Variants in MAGED2 observed in about 807,000 individuals in gnomAD.
The protein encoded by MAGED2 is melanoma-associated antigen D2.
MAGED2 carries 6 observed loss-of-function variants against 41.7 expected under a neutral mutation model. That is an observed-to-expected ratio of 0.14 (90% CI 0.08 to 0.28). MAGED2 has a LOEUF of 0.28. MAGED2 is among the 10% of genes least tolerant of loss of function. The probability of loss-of-function intolerance (pLI) is 1.00; values close to 1 mark genes in which losing one functional copy is unlikely to be tolerated. For missense variants in MAGED2, 343 were observed against 486.4 expected (o/e 0.71, Z 2.77); for synonymous variants, 146 against 178.2 (o/e 0.82, Z 1.44).
Position 54,812,251 on chromosome X carries a change from C to T in MAGED2, c.1085C>T (p.Thr362Met), listed in dbSNP as rs1272429541. The T allele has an allele frequency of 6.0e-6, 7 of 1,167,218 alleles. No individual in the cohort carries two copies. The highest frequency in any genetic ancestry group is 3.0e-5 in the East Asian group (1 of 33,093). ...CCCACTGATGCAGGCATACTGGGAA[C>T]GTAAGCTGGGAAAGGGCTGAGGTGT... ...LEPTDAGILGTTKDSPKLGLL... is the reference protein window; with the variant it reads ...LEPTDAGILGMTKDSPKLGLL... The change falls in exon 7 of 13, where the codon ACG (threonine) becomes ATG (methionine). Residue 362 changes from threonine to methionine, a missense_variant and splice_region_variant. By Grantham distance (81) the Thr-to-Met change is moderately conservative (BLOSUM62 -1). Around this residue, in one of 3 missense-constraint regions of MAGED2, gnomAD observed 95 missense variants for 204.8 expected, o/e 0.46. Coordinates refer to ENST00000375068, the MANE Select transcript of MAGED2 (RefSeq NM_177433.3).
In MAGED2 at chrX:54,815,950, C is replaced by CCTG; in HGVS notation, c.*78_*79insCTG. The CCTG allele has an allele frequency of 3.1e-6, 1 of 317,864 alleles. No homozygotes were observed. Among genetic ancestry groups the CCTG allele is most frequent in the Non-Finnish European group, 5.4e-6 (1 of 183,591 alleles). The allele number at this position is 317,864 out of a possible 1,213,427, so 26.2% of individuals were successfully genotyped here. On this transcript the variant is annotated 3_prime_UTR_variant, in exon 13 of 13. Coordinates refer to ENST00000375068, the MANE Select transcript of MAGED2 (RefSeq NM_177433.3). ...CCTCAGAAACCTACTCAACACAGCA[C>CCTG]TCTAGGCAGCCACTATCAATCAATT... is the stretch of plus-strand genomic sequence containing the variant.
Position 54,810,981 on chromosome X carries a change from G to A in MAGED2, c.698G>A (p.Arg233Gln), listed in dbSNP as rs1471441361. Residue 233 changes from arginine (R) to glutamine (Q), a missense_variant, in exon 4 of 13, where the codon CGG becomes CAG. Transcript: ENST00000375068. ...TGGGCCCGCAGGGCATCAAGGACTC[G>A]GTTGGCTGCTTGGGCCCGGAGAGCC... ...AFWARRASRT[R>Q]LAAWARRALL... 1 of 1,203,132 alleles carries A rather than the reference G, an allele frequency of 8.3e-7. No individual in the cohort carries two copies. Among genetic ancestry groups the A allele is most frequent in the South Asian group, 1.8e-5 (1 of 55,779 alleles).
Position 54,811,644 on chromosome X carries a change from C to T in MAGED2, c.981C>T (p.Ser327=), listed in dbSNP as rs2071932. The change falls in exon 6 of 13, where the codon TCC becomes TCT. Residue 327 remains serine (S), a synonymous_variant. Transcript: ENST00000375068. ...YPEIIERAGY[S]LEKVFGIQLK... is the part of the protein sequence containing the mutation. ...AAATCATTGAACGAGCAGGCTATTC[C>T]TTGGAGAAGGTGAAGGGGCAGCCCT... 0.36 allele frequency: 428,844 copies of T among 1,202,258 alleles called. 53,064 individuals are homozygous for T. The highest frequency in any genetic ancestry group is 0.63 in the East Asian group (21,294 of 33,625).
intron 7 of MAGED2, 42 bp downstream of exon 7, chrX:54,812,293 G>T: frequency 1.2e-6 from 1 of 852,302 alleles, no homozygotes; most frequent in South Asian, 2.4e-5. Context: ...CTTCTGCTTT[G>T]GCCATGTGCT....
Position 54,815,515 on chromosome X carries a change from A to G in MAGED2, c.1654A>G (p.Ser552Gly). 2 of 1,189,501 alleles carry G rather than the reference A, an allele frequency of 1.7e-6. No individual in the cohort carries two copies. The highest frequency in any genetic ancestry group is 2.3e-6 in the Non-Finnish European group (2 of 881,639). Residue 552 changes from serine to glycine, a missense_variant, in exon 12 of 13, where the codon AGT (serine) becomes GGT (glycine). Ser to Gly is a moderately conservative substitution (Grantham distance 56). This residue lies in a region of MAGED2 where 53 missense variants were observed against 60.4 expected (regional missense o/e 0.88). Transcript: ENST00000375068. Reference protein sequence around the residue: ...QESGSASTGASTSTNNSASAS... With the variant: ...QESGSASTGAGTSTNNSASAS... ...GAGTGGCAGTGCCAGCACTGGTGCC[A>G]GTACCAGTACCAATAACAGTGCCAG...
intron 5 of MAGED2, 47 bp from the exon 6 acceptor site, chrX:54,811,527 A>G: frequency 3.7e-6 from 4 of 1,083,880 alleles, no homozygotes; most frequent in Non-Finnish European, 5.1e-6. Flanking sequence ...CATCAGGGCC[A>G]CCTGGCATCT....
chrX:54,813,963 A>G (rs749718207), intron 10 of MAGED2, among the ~76,000 whole-genome samples: 13 of 112,816 alleles, frequency 1.2e-4, no homozygotes, highest in Admixed American at 3.7e-4. Context: ...TAAAGAAATG[A>G]CATAGAATGG....
rs1374784246 is a variant in MAGED2 at position 54,810,013 on chromosome X, C to G, written c.337C>G (p.Pro113Ala). The G allele has an allele frequency of 1.7e-6, 2 of 1,206,469 alleles. No homozygotes were observed. Among genetic ancestry groups the G allele is most frequent in the Admixed American group, 4.4e-5 (2 of 45,533 alleles). The change falls in exon 3 of 13, where the codon CCG becomes GCG. Residue 113 changes from proline (P) to alanine (A), a missense_variant. By Grantham distance (27) the Pro-to-Ala change is conservative. Transcript: ENST00000375068. ...AADTKKQNAD[P>A]QAVTMPATET... ...TGACACCAAGAAACAGAATGCTGAC[C>G]CGCAGGCTGTGACAATGCCTGCCAC...
intron 11 of MAGED2, 126 bp from the exon 12 acceptor site, chrX:54,815,122 T>A (rs190860315): frequency 1.2e-6 from 1 of 815,587 alleles, no homozygotes; most frequent in Admixed American, 3.2e-5. Context: ...TGTAGCATAG[T>A]GCCTAGCATA....
At chrX:54,812,366 A>G in intron 7 of MAGED2, 115 bp downstream of exon 7, 3 of 454,572 alleles carry the variant, frequency 6.6e-6, no homozygotes, top group Non-Finnish European at 1.1e-5. Context: ...CAGGGTCTCA[A>G]AAGCCCCGTC....
intron 6 of MAGED2, 143 bp downstream of exon 6, chrX:54,811,796 G>A (rs1166221959): frequency 2.1e-6 from 1 of 480,079 alleles, no homozygotes; most frequent in African/African-American, 2.4e-5. Context: ...CCTAGGGAGG[G>A]GTGTAGATTA....
rs746132056 is a variant in MAGED2, at chrX:54,815,400, C to T, written c.1539C>T (p.Ala513=). 27 of 1,208,488 alleles carry T rather than the reference C, an allele frequency of 2.2e-5. No homozygotes were observed. The South Asian group carries it at 3.2e-4, about 14-fold the overall frequency. Residue 513 remains alanine (A), a synonymous_variant, in exon 12 of 13, where the codon GCC becomes GCT. Transcript: ENST00000375068. ...MGIGLGSENA[A]GPCNWDEADI... is the part of the protein sequence containing the mutation. ...TTGGGCTCGGCTCGGAGAATGCTGC[C>T]GGGCCCTGCAACTGGGACGAAGCTG...
chrX:54,809,487 T>C, intron 2 of MAGED2, 111 bp downstream of exon 2: 1 of 926,537 alleles, frequency 1.1e-6, no homozygotes, highest in South Asian at 2.0e-5. Flanking sequence ...CCACCTACTT[T>C]CCTGCCTGGG....
In MAGED2 at chrX:54,809,756, T is replaced by C. The variant is rs769357290; in HGVS notation, c.80T>C (p.Met27Thr). 1 of 1,206,735 alleles carries C rather than the reference T, an allele frequency of 8.3e-7. No individual in the cohort carries two copies. The highest frequency in any genetic ancestry group is 2.2e-5 in the Admixed American group (1 of 45,181). Residue 27 changes from methionine (M) to threonine (T), a missense_variant, in exon 3 of 13, where the codon ATG becomes ACG. Coordinates refer to ENST00000375068, the MANE Select transcript of MAGED2 (RefSeq NM_177433.3). Reference sequence around the variant, plus strand: ...TCAGAAAAGGACAGTAGCTCGATGATGCAGACTCTGTTGACAGTGACCCAG... The same window carrying C: ...TCAGAAAAGGACAGTAGCTCGATGACGCAGACTCTGTTGACAGTGACCCAG... ...EASEKDSSSM[M>T]QTLLTVTQNV...
chrX:54,811,170 T>C, intron 4 of MAGED2, 41 bp downstream of exon 4: 1 of 1,193,613 alleles, frequency 8.4e-7, no homozygotes, highest in Non-Finnish European at 1.1e-6. Context: ...TTCTACTGCC[T>C]TGGCTGTCCT....
Position 54,807,763 on chromosome X carries a change from T to TA in MAGED2, c.-68dup, listed in dbSNP as rs1291964588. On this transcript the variant is annotated 5_prime_UTR_variant, in exon 1 of 13. Transcript: ENST00000375068. ...GGAGGCTGAGACTTCGAGAGGGACT[T>TA]AGAGAAGGCAGACGCATCCCGAACT... is the stretch of plus-strand genomic sequence containing the variant. 2 of 112,697 alleles carry TA rather than the reference T, an allele frequency of 1.8e-5. No individual in the cohort carries two copies. The highest frequency in any genetic ancestry group is 3.8e-5 in the Non-Finnish European group (2 of 53,049). The allele number at this position is 112,697 out of a possible 1,213,427, so 9.3% of individuals were successfully genotyped here.
intron 1 of MAGED2, among the ~76,000 whole-genome samples, chrX:54,808,655 C>A (rs1036813572): frequency 1.9e-5 from 2 of 107,359 alleles, no homozygotes; most frequent in African/African-American, 3.4e-5. Flanking sequence ...CAAGATGCGC[C>A]TGTTTGGAGG....
chrX:54,812,124 T>G, intron 6 of MAGED2, 33 bp from the exon 7 acceptor site: 1 of 904,225 alleles, frequency 1.1e-6, no homozygotes, highest in Non-Finnish European at 1.6e-6. Context: ...AGCTGAATTT[T>G]GTCATCTCAC....
rs1929877702 is a variant in MAGED2, at chrX:54,813,699, G to T, written c.1271+149G>T. 5 of 482,015 alleles carry T rather than the reference G, an allele frequency of 1.0e-5. No homozygotes were observed. The South Asian group carries it at 1.4e-4, about 14-fold the overall frequency. 39.7% of individuals were successfully genotyped at this position (482,015 alleles called of 1,213,427 possible). Reference sequence around the variant, plus strand: ...TGCAGGTGGGATTATTCCTTGGGCGGTGATGGGAAACAGGAGCAGCACATG... The same window carrying T: ...TGCAGGTGGGATTATTCCTTGGGCGTTGATGGGAAACAGGAGCAGCACATG... On this transcript the variant is annotated intron_variant, in intron 10 of 12. Transcript: ENST00000375068.
Sources: gnomAD v4.1 joint callset for allele counts (sites outside exome capture counted in the v4.1 genomes callset) on GRCh38, gnomAD v4.1.1 for gene constraint, gnomAD v4.1.1 regional missense constraint, MANE v1.5 for transcripts, NCBI Gene and HGNC (gene_info 2026-07-23, HGNC 2026-07-21) for gene names.